Variants in GPM6A observed in about 807,000 individuals in gnomAD.
GPM6A encodes neuronal membrane glycoprotein M6-a.
A neutral mutation model predicts 32.1 loss-of-function variants in GPM6A; 7 were observed. The observed-to-expected ratio is 0.22, with a 90% confidence interval of 0.12 to 0.41. The LOEUF is 0.41. GPM6A is among the 10% of genes least tolerant of loss of function. The probability of loss-of-function intolerance (pLI) is 1.00; values close to 1 mark genes in which losing one functional copy is unlikely to be tolerated. For missense variants in GPM6A, 235 were observed against 347.2 expected, an observed-to-expected ratio of 0.68 and a Z score of 2.57; for synonymous variants, 130 against 123.4, an observed-to-expected ratio of 1.05 and a Z score of -0.35.
chr4:175,812,104 C>T, intron 1 of GPM6A, 87 bp downstream of exon 1: 1 of 978,386 alleles, frequency 1.0e-6, no homozygotes, highest in Non-Finnish European at 1.6e-6. Flanking sequence ...GAGAAACATT[C>T]ATTAGCCTTA....
intron 1 of GPM6A, among the ~76,000 whole-genome samples, chr4:175,708,701 C>A (rs959898211): frequency 6.6e-6 from 1 of 152,016 alleles, no homozygotes; most frequent in Non-Finnish European, 1.5e-5. Flanking sequence ...ATTTAAGAGA[C>A]CAGTGGTGCC....
chr4:175,667,448 T>C (rs1742812125), intron 3 of GPM6A, among the ~76,000 whole-genome samples: 1 of 152,274 alleles, frequency 6.6e-6, no homozygotes, highest in East Asian at 1.9e-4. Context: ...TTGTAGTTCT[T>C]AGTAGTCTAA....
intron 1 of GPM6A, among the ~76,000 whole-genome samples, chr4:175,782,365 G>T (rs28452202): frequency 0.11 from 16,203 of 151,928 alleles, 1,541 homozygotes; most frequent in African/African-American, 0.26. Context: ...ATCCTTGAAG[G>T]TTCCTACAAA....
intron 1 of GPM6A, among the ~76,000 whole-genome samples, chr4:175,722,338 AT>A (rs1304143254): frequency 6.6e-6 from 1 of 152,078 alleles, no homozygotes; most frequent in African/African-American, 2.4e-5. Flanking sequence ...TATCTGAGGA[AT>A]TTAGAAGGGA....
intron 1 of GPM6A, among the ~76,000 whole-genome samples, chr4:175,939,013 ATC>A (rs1739326278): frequency 6.6e-6 from 1 of 152,204 alleles, no homozygotes; most frequent in Non-Finnish European, 1.5e-5. Context: ...TTTAAATGCT[ATC>A]TAGTAACCAA....
chr4:175,886,598 G>C (rs1737465232), intron 1 of GPM6A, among the ~76,000 whole-genome samples: 1 of 151,934 alleles, frequency 6.6e-6, no homozygotes, highest in Non-Finnish European at 1.5e-5. Context: ...ATTTGTGCAT[G>C]TTAAAAATGT....
At chr4:175,866,292 A>C (rs1262083731) in intron 1 of GPM6A, among the ~76,000 whole-genome samples, 1 of 152,018 alleles carries the variant, frequency 6.6e-6, no homozygotes, top group African/African-American at 2.4e-5. Flanking sequence ...TAATCATCCA[A>C]AGTCCATAGT....
intron 1 of GPM6A, among the ~76,000 whole-genome samples, chr4:175,770,652 A>C (rs147655977): frequency 2.0e-5 from 3 of 152,016 alleles, no homozygotes; most frequent in Non-Finnish European, 2.9e-5. Flanking sequence ...AAATTTTCCC[A>C]TGTGGGTCCA....
At chr4:175,886,007 C>T (rs767464497) in intron 1 of GPM6A, among the ~76,000 whole-genome samples, 2 of 151,964 alleles carry the variant, frequency 1.3e-5, no homozygotes, top group Non-Finnish European at 2.9e-5. Context: ...TAAAAAACAG[C>T]ATTAAGAGAC....
At chr4:175,668,733 G>A (rs772641555) in intron 3 of GPM6A, among the ~76,000 whole-genome samples, 5 of 152,038 alleles carry the variant, frequency 3.3e-5, no homozygotes, top group African/African-American at 9.7e-5. Flanking sequence ...GAGACAATTC[G>A]TTATTGTTGA....
intron 1 of GPM6A, among the ~76,000 whole-genome samples, chr4:175,962,798 A>G (rs1201093937): frequency 6.6e-6 from 1 of 152,214 alleles, no homozygotes; most frequent in African/African-American, 2.4e-5. Flanking sequence ...AGGCATACTA[A>G]AAGATAAACA....
intron 1 of GPM6A, among the ~76,000 whole-genome samples, chr4:175,879,948 T>C (rs1324257096): frequency 6.6e-6 from 1 of 152,180 alleles, no homozygotes; most frequent in Non-Finnish European, 1.5e-5. Context: ...ACAGGGGACA[T>C]GAAGTCCTTG....
intron 1 of GPM6A, among the ~76,000 whole-genome samples, chr4:175,879,902 T>A (rs1737213923): frequency 1.3e-5 from 2 of 152,118 alleles, no homozygotes; most frequent in African/African-American, 4.8e-5. Context: ...TAAGCAAGAA[T>A]CAACACATAA....
At chr4:175,635,687 G>C (rs563387749) in intron 6 of GPM6A, among the ~76,000 whole-genome samples, 71 of 152,250 alleles carry the variant, frequency 4.7e-4, no homozygotes, top group Middle Eastern at 3.4e-3. Context: ...GGTTTGTCTT[G>C]AGTAATGAAG....
chr4:175,903,595 T>C (rs910479823), intron 1 of GPM6A, among the ~76,000 whole-genome samples: 1 of 152,200 alleles, frequency 6.6e-6, no homozygotes, highest in Non-Finnish European at 1.5e-5. Flanking sequence ...TGCCTCCTGA[T>C]GTGATGCACT....
intron 1 of GPM6A, among the ~76,000 whole-genome samples, chr4:175,846,678 G>T (rs1300855196): frequency 6.6e-6 from 1 of 152,002 alleles, no homozygotes; most frequent in African/African-American, 2.4e-5. Flanking sequence ...GAAGAATAAG[G>T]TCTCCTACTC....
chr4:175,678,836 T>C (rs1371521708), intron 2 of GPM6A, among the ~76,000 whole-genome samples: 2 of 152,192 alleles, frequency 1.3e-5, no homozygotes, highest in African/African-American at 4.8e-5. Context: ...TAATTTTTTA[T>C]TTGGAAATAA....
intron 1 of GPM6A, among the ~76,000 whole-genome samples, chr4:175,888,303 T>G (rs987735364): frequency 2.0e-5 from 3 of 152,050 alleles, no homozygotes; most frequent in Non-Finnish European, 4.4e-5. Context: ...AGAAATCGAT[T>G]AAAATTGTCC....
intron 1 of GPM6A, chr4:175,970,959 CCT>C: frequency 2.2e-6 from 1 of 452,178 alleles, no homozygotes; most frequent in Non-Finnish European, 4.4e-6. Flanking sequence ...GACGCCAGAG[CCT>C]GTGCTTGAGC....
Sources: allele counts gnomAD v4.1 joint callset (sites outside exome capture counted in the v4.1 genomes callset), GRCh38; gene constraint gnomAD v4.1.1; transcripts MANE v1.5; gene names NCBI Gene and HGNC (gene_info 2026-07-23, HGNC 2026-07-21).